Variants in RASAL2 observed in about 807,000 individuals in gnomAD.
RASAL2 encodes ras GTPase-activating protein nGAP.
In RASAL2, 58 loss-of-function variants were observed where a neutral mutation model predicts 128.9. The ratio of observed to expected loss-of-function variants is 0.45; its 90% CI spans 0.36 to 0.56. The LOEUF (loss-of-function observed/expected upper bound fraction) is 0.56, where lower values mean the gene tolerates loss of function less well. Ranked by LOEUF, RASAL2 falls within the 20% of genes least tolerant of loss-of-function variation. The pLI is 0.00. For synonymous variants in RASAL2, 561 were observed against 580.8 expected, an observed-to-expected ratio of 0.97 and a Z score of 0.49; for missense variants, 1,360 against 1,601.6, an observed-to-expected ratio of 0.85 and a Z score of 2.57.
At chr1:178,396,437 A>G (rs544915413) in intron 4 of RASAL2, among the ~76,000 whole-genome samples, 45 of 152,312 alleles carry the variant, frequency 3.0e-4, no homozygotes, top group African/African-American at 1.1e-3. Context: ...TGCCCACTTA[A>G]GGGAGCATGT....
chr1:178,415,270 T>A (rs1179553962), intron 4 of RASAL2, among the ~76,000 whole-genome samples: 2 of 152,148 alleles, frequency 1.3e-5, no homozygotes, highest in Non-Finnish European at 2.9e-5. Context: ...GTTTTCATTT[T>A]TATTTCATTC....
chr1:178,103,871 C>G (rs530964428), intron 1 of RASAL2, among the ~76,000 whole-genome samples: 5 of 152,032 alleles, frequency 3.3e-5, no homozygotes, highest in Admixed American at 3.3e-4. Flanking sequence ...TTGAATGTAT[C>G]GGATTTTTCT....
At chr1:178,257,739 G>A (rs1665442846) in intron 1 of RASAL2, among the ~76,000 whole-genome samples, 1 of 151,806 alleles carries the variant, frequency 6.6e-6, no homozygotes, top group Admixed American at 6.6e-5. Context: ...GTACTCAGGA[G>A]GCTGAGGTGG....
chr1:178,146,688 A>G (rs1660741298), intron 1 of RASAL2, among the ~76,000 whole-genome samples: 1 of 152,230 alleles, frequency 6.6e-6, no homozygotes, highest in African/African-American at 2.4e-5. Context: ...GCATTTGAAT[A>G]ATGAATTAAC....
At chr1:178,296,668 A>ATTTTTTTT (rs1160539560) in intron 2 of RASAL2, among the ~76,000 whole-genome samples, 1 of 113,748 alleles carries the variant, frequency 8.8e-6, no homozygotes, top group African/African-American at 3.3e-5. Flanking sequence ...CCTGGCCTTG[A>ATTTTTTTT]TTTTTTTTTT....
intron 3 of RASAL2, among the ~76,000 whole-genome samples, chr1:178,304,388 T>A (rs1241668461): frequency 2.0e-5 from 3 of 152,112 alleles, no homozygotes; most frequent in African/African-American, 7.2e-5. Context: ...CCAGGCATGG[T>A]GGCACACATC....
chr1:178,281,972 C>T (rs902789047), intron 1 of RASAL2, among the ~76,000 whole-genome samples: 8 of 152,010 alleles, frequency 5.3e-5, no homozygotes, highest in African/African-American at 1.9e-4. Context: ...CAGAAGAAAA[C>T]TTTGGAAGAA....
At chr1:178,163,026 G>A (rs907169793) in intron 1 of RASAL2, among the ~76,000 whole-genome samples, 10 of 151,878 alleles carry the variant, frequency 6.6e-5, no homozygotes, top group African/African-American at 2.4e-4. Flanking sequence ...GCTGGAGTGC[G>A]GTGGTGTGAT....
At chr1:178,301,254 A>G (rs1667748755) in intron 3 of RASAL2, among the ~76,000 whole-genome samples, 1 of 152,148 alleles carries the variant, frequency 6.6e-6, no homozygotes, top group Non-Finnish European at 1.5e-5. Context: ...TACTTCTTTA[A>G]CATGTGTTGA....
At position 178,477,360 on chromosome 1, in the gene RASAL2, G is replaced by C. The variant is rs551190030; in HGVS notation, c.*4121G>C. ...TGTTGGAGTGTTGAATTTTTAAATA[G>C]AATCTCTTTTCATGTTTGAATGATT... On this transcript the variant is annotated 3_prime_UTR_variant, in exon 18 of 18. Transcript: ENST00000367649. 1.0e-3 allele frequency: 159 copies of C among 152,278 alleles called. 1 individual carries two copies. Among genetic ancestry groups the C allele is most frequent in the African/African-American group, 3.6e-3 (148 of 41,556 alleles). 9.4% of individuals were successfully genotyped at this position (152,278 alleles called of 1,614,324 possible).
intron 5 of RASAL2, among the ~76,000 whole-genome samples, chr1:178,431,956 C>T (rs1405480368): frequency 1.3e-5 from 2 of 149,480 alleles, no homozygotes; most frequent in Non-Finnish European, 3.0e-5. Flanking sequence ...TAATTATATA[C>T]ATATATGGGT....
chr1:178,345,872 C>T (rs557399743), intron 3 of RASAL2, among the ~76,000 whole-genome samples: 2 of 152,290 alleles, frequency 1.3e-5, no homozygotes, highest in African/African-American at 4.8e-5. Flanking sequence ...GGATAATCAT[C>T]TCCTGTGTAC....
At chr1:178,166,717 T>A (rs1030433770) in intron 1 of RASAL2, among the ~76,000 whole-genome samples, 4 of 152,090 alleles carry the variant, frequency 2.6e-5, no homozygotes, top group Non-Finnish European at 5.9e-5. Context: ...CTTGGAAATA[T>A]TCAAATATGA....
At chr1:178,439,661 C>A in intron 6 of RASAL2, 86 bp downstream of exon 6, 1 of 1,222,980 alleles carries the variant, frequency 8.2e-7, no homozygotes, top group Non-Finnish European at 1.1e-6. Flanking sequence ...CATTGCTGTA[C>A]AGTTGATGAT....
At chr1:178,207,295 T>G (rs1484008411) in intron 1 of RASAL2, among the ~76,000 whole-genome samples, 1 of 152,170 alleles carries the variant, frequency 6.6e-6, no homozygotes, top group Non-Finnish European at 1.5e-5. Flanking sequence ...CAGTTTGTCC[T>G]CTGTATCCTC....
intron 3 of RASAL2, among the ~76,000 whole-genome samples, chr1:178,363,718 G>C (rs893729346): frequency 3.9e-5 from 6 of 152,184 alleles, no homozygotes; most frequent in Non-Finnish European, 5.9e-5. Flanking sequence ...CTAATGTTCA[G>C]TGAAATCCTT....
chr1:178,126,339 A>T (rs1280389613), intron 1 of RASAL2, among the ~76,000 whole-genome samples: 2 of 152,216 alleles, frequency 1.3e-5, no homozygotes, highest in Non-Finnish European at 2.9e-5. Context: ...TGTAGACAGT[A>T]AATAAATGCT....
intron 2 of RASAL2, among the ~76,000 whole-genome samples, chr1:178,292,696 TA>T (rs1418651009): frequency 2.0e-5 from 3 of 152,184 alleles, no homozygotes; most frequent in Non-Finnish European, 4.4e-5. Context: ...TGAGACCAAG[TA>T]AATTTGAGAT....
intron 1 of RASAL2, among the ~76,000 whole-genome samples, chr1:178,202,847 T>A (rs1458025280): frequency 6.6e-6 from 1 of 152,218 alleles, no homozygotes; most frequent in Non-Finnish European, 1.5e-5. Flanking sequence ...CCTGTGTCAT[T>A]GCCCAATGGG....
Sources: gnomAD v4.1 joint callset for allele counts (sites outside exome capture counted in the v4.1 genomes callset) on GRCh38, gnomAD v4.1.1 for gene constraint, MANE v1.5 for transcripts, NCBI Gene and HGNC (gene_info 2026-07-23, HGNC 2026-07-21) for gene names.